PTPRT: variants seen among roughly 807,000 people sequenced by gnomAD.
The protein encoded by PTPRT is protein tyrosine phosphatase receptor type T.
Under a neutral mutation model 176.8 loss-of-function variants are expected in PTPRT, and 56 were observed. That is an observed-to-expected ratio of 0.32 (90% confidence interval 0.26 to 0.40). The LOEUF (loss-of-function observed/expected upper bound fraction) is 0.40. Among genes scored for constraint, PTPRT ranks in the 10% least tolerant of loss-of-function variants. PTPRT has a pLI of 1.00. For missense variants in PTPRT, 1,540 were observed against 1,908.2 expected (o/e 0.81, Z 3.60); for synonymous variants, 783 against 739.0 (o/e 1.06, Z -0.96).
At chr20:42,051,406 G>A in the PTPRT span, among the ~76,000 whole-genome samples, 2 of 152,226 alleles carry the variant, frequency 1.3e-5, no homozygotes, top group African/African-American at 4.8e-5. Flanking sequence ...AAATGGGGAA[G>A]TGAGGCAAGG....
intron 19 of PTPRT, among the ~76,000 whole-genome samples, chr20:42,126,985 G>A (rs1296127325): frequency 6.6e-6 from 1 of 152,190 alleles, no homozygotes; most frequent in African/African-American, 2.4e-5. Flanking sequence ...CATGTAGTAG[G>A]CCCTTTGTTA....
chr20:42,940,951 G>A (rs749215163), intron 1 of PTPRT, among the ~76,000 whole-genome samples: 31 of 151,848 alleles, frequency 2.0e-4, no homozygotes, highest in Non-Finnish European at 2.8e-4. Context: ...ATATGGTGGC[G>A]CGCGCCTGTA....
At chr20:42,347,072 C>T (rs553437824) in intron 11 of PTPRT, among the ~76,000 whole-genome samples, 4 of 152,190 alleles carry the variant, frequency 2.6e-5, no homozygotes, top group Non-Finnish European at 5.9e-5. Context: ...GGTCTATGCA[C>T]TGTCTTTAAC....
At chr20:42,620,483 CT>C (rs1479256142) in intron 7 of PTPRT, among the ~76,000 whole-genome samples, 3 of 148,072 alleles carry the variant, frequency 2.0e-5, no homozygotes, top group African/African-American at 7.8e-5. Context: ...TTCGAGCTTC[CT>C]GGCTGCTTTG....
chr20:42,732,504 A>G (rs569625103), intron 6 of PTPRT, among the ~76,000 whole-genome samples: 1 of 152,242 alleles, frequency 6.6e-6, no homozygotes, highest in African/African-American at 2.4e-5. Flanking sequence ...TGCTTGGGGA[A>G]GCTGTAGAAG....
intron 17 of PTPRT, among the ~76,000 whole-genome samples, chr20:42,155,341 C>G (rs1034428237): frequency 6.6e-6 from 1 of 152,178 alleles, no homozygotes; most frequent in African/African-American, 2.4e-5. Flanking sequence ...AGGCCCTTGG[C>G]CAATTGTGGT....
At chr20:42,856,763 A>T (rs57711399) in intron 2 of PTPRT, among the ~76,000 whole-genome samples, 1,570 of 152,242 alleles carry the variant, frequency 0.01, 29 homozygotes, top group African/African-American at 0.035. Context: ...GGACAATAAA[A>T]ACCAAGTTCA....
intron 15 of PTPRT, among the ~76,000 whole-genome samples, chr20:42,201,669 G>A (rs755316299): frequency 6.8e-6 from 1 of 147,452 alleles, no homozygotes; most frequent in Non-Finnish European, 1.5e-5. Context: ...AACAGAAGCA[G>A]CGGCTTTCTC....
At position 43,128,223 on chromosome 20, in the gene PTPRT, G is replaced by A. The variant is rs75715285; in HGVS notation, c.88+61423C>T. Among the ~76,000 whole-genome samples the A allele has an allele frequency of 3.5e-3, 531 of 152,276 alleles. 6 individuals are homozygous for A. The highest frequency in any genetic ancestry group is 0.012 in the African/African-American group (500 of 41,550). On this transcript the variant is annotated intron_variant, in intron 1 of 30. Transcript: ENST00000373187. Reference sequence around the variant, plus strand: ...TGAAGCCAGCCCAAGGCCCCCATTTGGACAACTGGGAGATGTTCAGTTGAA... The same window carrying A: ...TGAAGCCAGCCCAAGGCCCCCATTTAGACAACTGGGAGATGTTCAGTTGAA...
intron 1 of PTPRT, among the ~76,000 whole-genome samples, chr20:42,958,163 G>A (rs1981752445): frequency 1.0e-5 from 1 of 99,840 alleles, no homozygotes; most frequent in African/African-American, 4.0e-5. Flanking sequence ...GGTTAGGAAG[G>A]AGAGATAGAG....
chr20:42,309,925 T>G (rs1234057516), intron 12 of PTPRT, among the ~76,000 whole-genome samples: 1 of 152,060 alleles, frequency 6.6e-6, no homozygotes, highest in African/African-American at 2.4e-5. Context: ...TAGTGTAATA[T>G]AGAAAGATAG....
chr20:42,490,066 G>T lies in PTPRT; in HGVS notation c.1154-17504C>A, dbSNP rs191193383. 7.4e-4 allele frequency among the ~76,000 whole-genome samples: 113 copies of T among 152,254 alleles called. 1 individual carries two copies. Among genetic ancestry groups the T allele is most frequent in the African/African-American group, 2.5e-3 (105 of 41,556 alleles). ...TGAAGTTTCCAGACATACATGAAAT[G>T]GTTCTTGAGCTTTCCATTCTGTTCT... On this transcript the variant is annotated intron_variant, in intron 7 of 30. Transcript: ENST00000373187.
At chr20:42,502,314 G>T (rs2071763843) in intron 7 of PTPRT, among the ~76,000 whole-genome samples, 1 of 151,388 alleles carries the variant, frequency 6.6e-6, no homozygotes, top group Non-Finnish European at 1.5e-5. Context: ...CAATACATTT[G>T]AAATTCACTT....
chr20:43,113,819 G>A (rs529277096), intron 1 of PTPRT, among the ~76,000 whole-genome samples: 2 of 152,210 alleles, frequency 1.3e-5, no homozygotes, highest in South Asian at 4.2e-4. Context: ...TGCAAACAAG[G>A]GTATTCCCGA....
chr20:42,983,240 T>C (rs1170955512), intron 1 of PTPRT, among the ~76,000 whole-genome samples: 2 of 152,234 alleles, frequency 1.3e-5, no homozygotes, highest in Non-Finnish European at 2.9e-5. Flanking sequence ...GGCCACTTTG[T>C]AGCCTGTCAC....
At chr20:42,479,318 G>T (rs570426815) in intron 7 of PTPRT, among the ~76,000 whole-genome samples, 3 of 152,338 alleles carry the variant, frequency 2.0e-5, no homozygotes, top group African/African-American at 7.2e-5. Flanking sequence ...TGGATAGCTT[G>T]TATGCAAAAT....
chr20:42,440,720 G>T (rs551546973), intron 9 of PTPRT, among the ~76,000 whole-genome samples: 1 of 152,072 alleles, frequency 6.6e-6, no homozygotes, highest in African/African-American at 2.4e-5. Flanking sequence ...CTCATGATCC[G>T]CCCGCCTTGG....
At chr20:43,159,926 G>A (rs1435649118) in intron 1 of PTPRT, among the ~76,000 whole-genome samples, 3 of 151,416 alleles carry the variant, frequency 2.0e-5, no homozygotes, top group Non-Finnish European at 2.9e-5. Context: ...GCCATGTGGT[G>A]TAAGCTGCTG....
intron 11 of PTPRT, among the ~76,000 whole-genome samples, chr20:42,321,880 G>A (rs955986440): frequency 5.9e-5 from 9 of 152,226 alleles, no homozygotes; most frequent in East Asian, 5.8e-4. Context: ...TCAGGAGATC[G>A]AGACCACGGT....
Sources: gnomAD v4.1 joint callset for allele counts (sites outside exome capture counted in the v4.1 genomes callset) on GRCh38, gnomAD v4.1.1 for gene constraint, MANE v1.5 for transcripts, NCBI Gene and HGNC (gene_info 2026-07-23, HGNC 2026-07-21) for gene names.